NKAIN2: variants seen among roughly 807,000 people sequenced by gnomAD.
NKAIN2 encodes sodium/potassium transporting ATPase interacting 2.
NKAIN2 carries 14 observed loss-of-function variants against 32.6 expected under a neutral mutation model. The observed-to-expected ratio is 0.43, with a 90% CI of 0.28 to 0.67. The LOEUF is 0.67. Ranked by LOEUF, NKAIN2 falls within the 30% of genes least tolerant of loss-of-function variation. NKAIN2 has a pLI of 0.17. For synonymous variants in NKAIN2, 80 were observed against 87.2 expected, an observed-to-expected ratio of 0.92 and a Z score of 0.46; for missense variants, 198 against 258.3, an observed-to-expected ratio of 0.77 and a Z score of 1.60.
intron 5 of NKAIN2, among the ~76,000 whole-genome samples, chr6:124,810,946 C>T (rs902978646): frequency 6.6e-6 from 1 of 151,440 alleles, no homozygotes. Flanking sequence ...CTCAGAGTCC[C>T]TCCAGGGATT....
rs139425971 is a variant in NKAIN2 at position 124,721,997 on chromosome 6, C to T, written c.474+63611C>T. 1.9e-3 allele frequency among the ~76,000 whole-genome samples: 290 copies of T among 152,288 alleles called. 9 individuals are homozygous for T. The South Asian group carries it at 0.048, about 25-fold the overall frequency. On this transcript the variant is annotated intron_variant, in intron 4 of 6. Coordinates refer to ENST00000368417, the MANE Select transcript of NKAIN2 (RefSeq NM_001040214.3). ...TCTTCATTATGACCTCTCCCCAGCC[C>T]CTGGCAGCCACCATTCTACTTTCTC...
intron 2 of NKAIN2, among the ~76,000 whole-genome samples, chr6:124,287,355 A>G (rs1037377317): frequency 1.2e-4 from 18 of 152,234 alleles, no homozygotes; most frequent in African/African-American, 4.3e-4. Flanking sequence ...ACAAAAAAGT[A>G]TGTGGACATT....
intron 1 of NKAIN2, among the ~76,000 whole-genome samples, chr6:123,879,182 A>T (rs1328388086): frequency 1.3e-5 from 2 of 152,116 alleles, no homozygotes; most frequent in African/African-American, 2.4e-5. Flanking sequence ...TTGGGGCTAG[A>T]AAGTCATCAC....
intron 1 of NKAIN2, among the ~76,000 whole-genome samples, chr6:123,912,126 A>G (rs1775246776): frequency 6.6e-6 from 1 of 151,898 alleles, no homozygotes; most frequent in South Asian, 2.1e-4. Flanking sequence ...TTTACCTTCA[A>G]TTATAATAAT....
At chr6:124,598,678 A>G (rs75533432) in intron 3 of NKAIN2, among the ~76,000 whole-genome samples, 1 of 136,192 alleles carries the variant, frequency 7.3e-6, no homozygotes, top group African/African-American at 2.8e-5. Context: ...AAGATTTTGA[A>G]AAAAAAAAAA....
At chr6:124,735,875 TCATACA>T (rs1265129082) in intron 4 of NKAIN2, among the ~76,000 whole-genome samples, 2 of 151,840 alleles carry the variant, frequency 1.3e-5, no homozygotes, top group Non-Finnish European at 2.9e-5. Flanking sequence ...CCCTATTCTT[TCATACA>T]CAACAATATT....
intron 3 of NKAIN2, among the ~76,000 whole-genome samples, chr6:124,396,635 G>A (rs6909328): frequency 0.48 from 72,690 of 151,818 alleles, 17,504 homozygotes; most frequent in South Asian, 0.56. Flanking sequence ...AGTTGCTGAT[G>A]GAGAGTATGT....
At chr6:123,908,607 ATTC>A (rs1234709613) in intron 1 of NKAIN2, among the ~76,000 whole-genome samples, 1 of 152,064 alleles carries the variant, frequency 6.6e-6, no homozygotes, top group Non-Finnish European at 1.5e-5. Context: ...AGAGTGGTTT[ATTC>A]TTCATTAATT....
At chr6:124,334,676 T>A (rs1797795900) in intron 2 of NKAIN2, among the ~76,000 whole-genome samples, 1 of 152,198 alleles carries the variant, frequency 6.6e-6, no homozygotes, top group Non-Finnish European at 1.5e-5. Flanking sequence ...ACTAATGTTA[T>A]CTATTAGAGC....
chr6:124,508,523 T>G (rs1778583136), intron 3 of NKAIN2, among the ~76,000 whole-genome samples: 1 of 151,796 alleles, frequency 6.6e-6, no homozygotes, highest in Admixed American at 6.6e-5. Context: ...TTTTGTATTT[T>G]TAGTAGAGAT....
At chr6:124,691,029 G>A (rs1774232093) in intron 4 of NKAIN2, among the ~76,000 whole-genome samples, 1 of 152,068 alleles carries the variant, frequency 6.6e-6, no homozygotes, top group Non-Finnish European at 1.5e-5. Context: ...GGAAGGAGGG[G>A]GAAAAACAGA....
At position 124,612,263 on chromosome 6, in the gene NKAIN2, C is replaced by T. The variant is rs76359413; in HGVS notation, c.274-45923C>T. On this transcript the variant is annotated intron_variant, in intron 3 of 6. Transcript: ENST00000368417. ...TGCTAGGGGGAAAAAAAAATAAAAA[C>T]TGCTAGGGGGAAAAAAAGCAAAAAC... 5.5e-3 allele frequency among the ~76,000 whole-genome samples: 827 copies of T among 151,588 alleles called. 11 individuals carry two copies. Among genetic ancestry groups the T allele is most frequent in the African/African-American group, 0.019 (783 of 41,304 alleles).
intron 4 of NKAIN2, among the ~76,000 whole-genome samples, chr6:124,723,417 C>A (rs1463799709): frequency 1.8e-5 from 2 of 114,130 alleles, no homozygotes; most frequent in Non-Finnish European, 3.7e-5. Context: ...CACTGCTGCA[C>A]TGGCAAATAT....
chr6:123,871,063 A>T lies in NKAIN2; in HGVS notation c.54+66809A>T, dbSNP rs142089130. On this transcript the variant is annotated intron_variant, in intron 1 of 6. Coordinates refer to ENST00000368417, the MANE Select transcript of NKAIN2 (RefSeq NM_001040214.3). ...TTTCAATTTTACACATTACCTATTC[A>T]TTTCCCACAACAAGAACTGGGGATT... is the stretch of plus-strand genomic sequence containing the variant. Among the ~76,000 whole-genome samples, 814 of 152,058 alleles carry T rather than the reference A, an allele frequency of 5.4e-3. 9 individuals are homozygous for T. The highest frequency in any genetic ancestry group is 0.019 in the African/African-American group (769 of 41,444).
At chr6:124,462,684 T>G (rs982264416) in intron 3 of NKAIN2, among the ~76,000 whole-genome samples, 5 of 152,012 alleles carry the variant, frequency 3.3e-5, no homozygotes, top group Non-Finnish European at 5.9e-5. Flanking sequence ...TTAAAGTATT[T>G]TTTTACTTTG....
intron 3 of NKAIN2, among the ~76,000 whole-genome samples, chr6:124,416,124 A>G (rs889622210): frequency 2.0e-5 from 3 of 152,154 alleles, no homozygotes; most frequent in Non-Finnish European, 2.9e-5. Context: ...ACAAACAAGC[A>G]TAAGAAAACC....
At chr6:124,062,798 T>C (rs1230226499) in intron 1 of NKAIN2, among the ~76,000 whole-genome samples, 4 of 152,202 alleles carry the variant, frequency 2.6e-5, no homozygotes, top group Non-Finnish European at 5.9e-5. Context: ...ATTGGCAGTG[T>C]GTGATAGTAC....
chr6:124,605,714 G>T (rs759987737), intron 3 of NKAIN2, among the ~76,000 whole-genome samples: 3 of 152,010 alleles, frequency 2.0e-5, no homozygotes, highest in Non-Finnish European at 4.4e-5. Flanking sequence ...CATCGTAGAT[G>T]ATCTTGAAGA....
At chr6:124,140,425 TAGAA>T (rs756330100) in intron 1 of NKAIN2, among the ~76,000 whole-genome samples, 2 of 152,202 alleles carry the variant, frequency 1.3e-5, no homozygotes, top group South Asian at 4.1e-4. Context: ...GTAAAAACAT[TAGAA>T]AGACATGATC....
Sources: gnomAD v4.1 joint callset for allele counts (sites outside exome capture counted in the v4.1 genomes callset) on GRCh38, gnomAD v4.1.1 for gene constraint, MANE v1.5 for transcripts, NCBI Gene and HGNC (gene_info 2026-07-23, HGNC 2026-07-21) for gene names.